The following PRKAR1A variants were observed in gnomAD, a reference collection of about 807,000 sequenced individuals.
PRKAR1A encodes cAMP-dependent protein kinase type I-alpha regulatory subunit.
PRKAR1A carries 3 observed loss-of-function variants against 52.0 expected under a neutral mutation model. The ratio of observed to expected loss-of-function variants is 0.06; its 90% CI spans 0.03 to 0.15. The LOEUF is 0.15. Among genes scored for constraint, PRKAR1A ranks in the 10% least tolerant of loss-of-function variants. PRKAR1A has a pLI of 1.00. For missense variants in PRKAR1A, 240 were observed against 477.4 expected (o/e 0.50, Z 4.63); for synonymous variants, 188 against 168.4 (o/e 1.12, Z -0.90).
the PRKAR1A span, among the ~76,000 whole-genome samples, chr17:68,451,423 A>G: frequency 6.6e-6 from 1 of 152,112 alleles, no homozygotes; most frequent in African/African-American, 2.4e-5. Flanking sequence ...GACAAGCAAG[A>G]CTCCGTCTCA....
intron 11 of PRKAR1A, chr17:68,540,465 G>A (rs917063911): frequency 3.4e-5 from 16 of 469,206 alleles, no homozygotes; most frequent in Non-Finnish European, 5.9e-5. Flanking sequence ...GGCCTGGAAG[G>A]TGGAATTACT....
At chr17:68,415,881 C>T in the PRKAR1A span, among the ~76,000 whole-genome samples, 1 of 152,034 alleles carries the variant, frequency 6.6e-6, no homozygotes, top group African/African-American at 2.4e-5. Context: ...CTTTTTCTAC[C>T]CCTTTACTTT....
At chr17:68,482,894 AG>A in the PRKAR1A span, among the ~76,000 whole-genome samples, 1 of 152,218 alleles carries the variant, frequency 6.6e-6, no homozygotes, top group African/African-American at 2.4e-5. Context: ...CCAGGCAGAA[AG>A]TATTTCTTTA....
At chr17:68,458,942 A>G in the PRKAR1A span, among the ~76,000 whole-genome samples, 13 of 151,512 alleles carry the variant, frequency 8.6e-5, no homozygotes, top group Middle Eastern at 0.01. Flanking sequence ...ATGTATGTGT[A>G]TATATATATA....
chr17:68,525,740 C>T lies in PRKAR1A; in HGVS notation c.550-14C>T, dbSNP rs764214590. ...TCTAGAAAATAAACTTTTTTGATGT[C>T]ACTTGCACTTTAGGTCTATGTTAAC... is the stretch of plus-strand genomic sequence containing the variant. On this transcript the variant is annotated splice_polypyrimidine_tract_variant and intron_variant, in intron 6 of 10. Coordinates refer to ENST00000589228, the MANE Select transcript of PRKAR1A (RefSeq NM_002734.5). 5.6e-6 allele frequency: 9 copies of T among 1,613,086 alleles called. No individual in the cohort carries two copies. The African/African-American group carries it at 1.1e-4, about 19-fold the overall frequency.
intron 8 of PRKAR1A, 111 bp from the exon 9 acceptor site, chr17:68,528,759 C>A: frequency 7.1e-7 from 1 of 1,407,572 alleles, no homozygotes; most frequent in Non-Finnish European, 1.0e-6. Context: ...TGAGACACTA[C>A]TAGAATGTTG....
chr17:68,454,469 A>G, the PRKAR1A span, among the ~76,000 whole-genome samples: 1 of 152,180 alleles, frequency 6.6e-6, no homozygotes, highest in Non-Finnish European at 1.5e-5. Context: ...GGATAGGGCA[A>G]CTACAGTAAA....
the PRKAR1A span, among the ~76,000 whole-genome samples, chr17:68,489,163 T>C: frequency 8.6e-6 from 1 of 116,856 alleles, no homozygotes; most frequent in Admixed American, 1.0e-4. Context: ...GGGTAAATAC[T>C]AAGTGAGCAC....
At chr17:68,540,836 T>C in intron 11 of PRKAR1A, 1 of 1,587,694 alleles carries the variant, frequency 6.3e-7, no homozygotes, top group Non-Finnish European at 8.6e-7. Flanking sequence ...GGGGCCTGCG[T>C]GTGGGGACCT....
intron 3 of PRKAR1A, 141 bp downstream of exon 3, chr17:68,523,067 C>A (rs955408370): frequency 1.3e-5 from 13 of 992,612 alleles, no homozygotes; most frequent in Non-Finnish European, 1.8e-5. Flanking sequence ...TACTGGAAAA[C>A]AGGTTTCTGT....
At chr17:68,547,495 G>C (rs1192717543) in intron 11 of PRKAR1A, among the ~76,000 whole-genome samples, 4 of 152,180 alleles carry the variant, frequency 2.6e-5, no homozygotes, top group Admixed American at 1.3e-4. Flanking sequence ...AATGATCTTA[G>C]CTAGATCTTC....
the PRKAR1A span, among the ~76,000 whole-genome samples, chr17:68,441,972 G>A: frequency 2.1e-4 from 32 of 152,300 alleles, no homozygotes; most frequent in African/African-American, 7.2e-4. Context: ...CTGAGACAGA[G>A]GAAGTCTCTG....
chr17:68,460,366 G>A, the PRKAR1A span, among the ~76,000 whole-genome samples: 2 of 152,168 alleles, frequency 1.3e-5, no homozygotes, highest in Admixed American at 1.3e-4. Flanking sequence ...CCATTGGGTT[G>A]CTTTTAGAAA....
At chr17:68,465,232 C>T in the PRKAR1A span, among the ~76,000 whole-genome samples, 1 of 151,540 alleles carries the variant, frequency 6.6e-6, no homozygotes, top group African/African-American at 2.4e-5. Flanking sequence ...GCGCCCGGCC[C>T]CGGCCGGGTT....
chr17:68,537,608 C>T, downstream of PRKAR1A: 1 of 1,613,730 alleles, frequency 6.2e-7, no homozygotes, highest in Non-Finnish European at 8.5e-7. This position sits in a 1 kb window ranked among gnomAD's most constrained non-coding sequence, Gnocchi z 4.2. Context: ...AGCCTTCGAT[C>T]CAGGGCAAGG....
chr17:68,478,224 G>A, the PRKAR1A span, among the ~76,000 whole-genome samples: 2 of 152,054 alleles, frequency 1.3e-5, no homozygotes, highest in Non-Finnish European at 1.5e-5. Flanking sequence ...GGGGCCGAGG[G>A]GGGTGGATCA....
At chr17:68,480,737 A>G in the PRKAR1A span, among the ~76,000 whole-genome samples, 1 of 152,088 alleles carries the variant, frequency 6.6e-6, no homozygotes, top group African/African-American at 2.4e-5. Flanking sequence ...TTTTGTAGAG[A>G]TGGGGATTCA....
chr17:68,525,235 T>C (rs1367662466), intron 6 of PRKAR1A, among the ~76,000 whole-genome samples: 1 of 150,962 alleles, frequency 6.6e-6, no homozygotes, highest in Non-Finnish European at 1.5e-5. Context: ...GGCAAGAGGG[T>C]TGCTTGAGCC....
At chr17:68,471,513 CA>C in the PRKAR1A span, among the ~76,000 whole-genome samples, 3 of 152,290 alleles carry the variant, frequency 2.0e-5, no homozygotes, top group East Asian at 5.8e-4. Context: ...CCATGTGTAA[CA>C]TCAAAACATC....
Sources: gnomAD v4.1 joint callset for allele counts (sites outside exome capture counted in the v4.1 genomes callset) on GRCh38, gnomAD v4.1.1 for gene constraint, Gnocchi (gnomAD v3.1) non-coding constraint, MANE v1.5 for transcripts, NCBI Gene and HGNC (gene_info 2026-07-23, HGNC 2026-07-21) for gene names.